Variants in SCHIP1 observed in about 807,000 individuals in gnomAD.
The protein encoded by SCHIP1 is schwannomin interacting protein 1.
In SCHIP1, 8 loss-of-function variants were observed where a neutral mutation model predicts 29.7. That is an observed-to-expected ratio of 0.27 (90% CI 0.16 to 0.49). The LOEUF is 0.49. Among genes scored for constraint, SCHIP1 ranks in the 20% least tolerant of loss-of-function variants. The pLI, the probability that SCHIP1 is intolerant of heterozygous loss-of-function variation, is 0.99. For synonymous variants in SCHIP1, 76 were observed against 94.9 expected, an observed-to-expected ratio of 0.80 and a Z score of 1.16; for missense variants, 193 against 294.6, an observed-to-expected ratio of 0.66 and a Z score of 2.52.
chr3:159,433,022 A>G, the SCHIP1 span, among the ~76,000 whole-genome samples: 1 of 152,178 alleles, frequency 6.6e-6, no homozygotes, highest in Admixed American at 6.5e-5. Flanking sequence ...AGCTTCTAAC[A>G]TAGCACAATA....
the SCHIP1 span, among the ~76,000 whole-genome samples, chr3:159,831,146 G>A: frequency 6.6e-6 from 1 of 152,152 alleles, no homozygotes; most frequent in Non-Finnish European, 1.5e-5. Flanking sequence ...CATTTCTTGG[G>A]CAGAGGACAC....
At chr3:159,307,916 T>G in the SCHIP1 span, among the ~76,000 whole-genome samples, 1 of 152,178 alleles carries the variant, frequency 6.6e-6, no homozygotes, top group African/African-American at 2.4e-5. Context: ...TTTCCTCTTC[T>G]GTTCCACTGA....
the SCHIP1 span, among the ~76,000 whole-genome samples, chr3:159,492,510 G>GATGAAATGA: frequency 6.6e-6 from 1 of 152,146 alleles, no homozygotes; most frequent in Non-Finnish European, 1.5e-5. Context: ...AGCGATGGAA[G>GATGAAATGA]ATGAAATGAA....
chr3:159,873,969 G>A (rs1439411044), intron 2 of SCHIP1, among the ~76,000 whole-genome samples: 1 of 152,170 alleles, frequency 6.6e-6, no homozygotes. Context: ...TGATGAGCTT[G>A]TATAGCTTAG....
chr3:159,896,759 A>T, exon 7 of SCHIP1: 1 of 1,607,516 alleles, frequency 6.2e-7, no homozygotes, highest in Non-Finnish European at 8.5e-7. Flanking sequence ...TGGCAGAGAA[A>T]ATGCCTGCAA....
At chr3:159,840,896 A>G (rs1247867699) in intron 1 of SCHIP1, among the ~76,000 whole-genome samples, 1 of 152,258 alleles carries the variant, frequency 6.6e-6, no homozygotes, top group East Asian at 1.9e-4. Context: ...TCAAAAGATC[A>G]GCTCTAGAGT....
At chr3:159,592,176 T>A in the SCHIP1 span, among the ~76,000 whole-genome samples, 1 of 152,134 alleles carries the variant, frequency 6.6e-6, no homozygotes, top group Non-Finnish European at 1.5e-5. Flanking sequence ...TCTACTGAAC[T>A]GAAATGGGAT....
At chr3:159,644,981 T>C in the SCHIP1 span, among the ~76,000 whole-genome samples, 1 of 152,170 alleles carries the variant, frequency 6.6e-6, no homozygotes, top group African/African-American at 2.4e-5. Context: ...TTGATACCCC[T>C]CTAACTGATC....
the SCHIP1 span, among the ~76,000 whole-genome samples, chr3:159,732,494 G>T: frequency 2.6e-5 from 4 of 152,212 alleles, no homozygotes; most frequent in Non-Finnish European, 5.9e-5. Context: ...GTATGAAAGG[G>T]CTAGAGAATT....
the SCHIP1 span, among the ~76,000 whole-genome samples, chr3:159,295,617 A>G: frequency 3.3e-5 from 5 of 152,032 alleles, no homozygotes; most frequent in South Asian, 8.3e-4. Context: ...CCTTCCTCCC[A>G]TCAAGCATGG....
intron 1 of SCHIP1, among the ~76,000 whole-genome samples, chr3:159,848,302 A>G (rs1020981180): frequency 1.3e-5 from 2 of 152,150 alleles, no homozygotes; most frequent in African/African-American, 4.8e-5. Flanking sequence ...GGCCCATCTT[A>G]TGCATGGACA....
chr3:159,428,180 C>G, the SCHIP1 span, among the ~76,000 whole-genome samples: 1 of 151,678 alleles, frequency 6.6e-6, no homozygotes, highest in Non-Finnish European at 1.5e-5. Flanking sequence ...GCAACAAAAG[C>G]CAAAATTGAC....
chr3:159,626,161 TCTAGATATATCTATCTATCTAGATAG>T, the SCHIP1 span, among the ~76,000 whole-genome samples: 12 of 110,108 alleles, frequency 1.1e-4, 1 homozygote, highest in African/African-American at 6.9e-4. Flanking sequence ...TATATATATA[TCTAGATATATCTATCTATCTAGATAG>T]ATAGATAGAT....
chr3:159,415,180 A>G, the SCHIP1 span, among the ~76,000 whole-genome samples: 82,236 of 151,520 alleles, frequency 0.54, 23,609 homozygotes, highest in East Asian at 0.75. Flanking sequence ...GCTAAATTAT[A>G]TATGTACTGA....
the SCHIP1 span, among the ~76,000 whole-genome samples, chr3:159,452,302 C>T: frequency 2.6e-5 from 4 of 151,950 alleles, no homozygotes; most frequent in East Asian, 7.7e-4. Flanking sequence ...CTCCCCTTGT[C>T]CCCCCATCCC....
At chr3:159,433,813 T>C in the SCHIP1 span, among the ~76,000 whole-genome samples, 1 of 147,200 alleles carries the variant, frequency 6.8e-6, no homozygotes, top group Non-Finnish European at 1.5e-5. Flanking sequence ...TTTATGACTC[T>C]TAATTATTAC....
At chr3:159,372,977 A>G in the SCHIP1 span, among the ~76,000 whole-genome samples, 4 of 152,048 alleles carry the variant, frequency 2.6e-5, no homozygotes, top group Non-Finnish European at 5.9e-5. Context: ...TTAGATCATT[A>G]CTGTCAATAG....
chr3:159,529,665 T>C, the SCHIP1 span, among the ~76,000 whole-genome samples: 584 of 152,330 alleles, frequency 3.8e-3, 2 homozygotes, highest in African/African-American at 0.013. Context: ...TAAATTATTG[T>C]TAACTATAGT....
At chr3:159,806,716 G>C in the SCHIP1 span, among the ~76,000 whole-genome samples, 1 of 152,238 alleles carries the variant, frequency 6.6e-6, no homozygotes, top group Non-Finnish European at 1.5e-5. Flanking sequence ...GCTCACACTG[G>C]AGAAGCTGCG....
Sources: allele counts gnomAD v4.1 joint callset (sites outside exome capture counted in the v4.1 genomes callset), GRCh38; gene constraint gnomAD v4.1.1; transcripts MANE v1.5; gene names NCBI Gene and HGNC (gene_info 2026-07-23, HGNC 2026-07-21).